TEX14: variants seen among roughly 807,000 people sequenced by gnomAD.
TEX14 encodes the protein inactive serine/threonine-protein kinase TEX14.
Under a neutral mutation model 178.6 loss-of-function variants are expected in TEX14, and 168 were observed. The observed-to-expected ratio is 0.94, with a 90% CI of 0.83 to 1.07. TEX14 has a LOEUF of 1.07. TEX14 is among the 50% of genes least tolerant of loss of function. The probability of loss-of-function intolerance (pLI) is 0.00; values close to 1 mark genes in which losing one functional copy is unlikely to be tolerated. For missense variants in TEX14, 1,730 were observed against 1,753.6 expected, an observed-to-expected ratio of 0.99 and a Z score of 0.24; for synonymous variants, 626 against 634.1, an observed-to-expected ratio of 0.99 and a Z score of 0.19.
At chr17:58,620,063 T>C (rs2045962947) in intron 5 of TEX14, among the ~76,000 whole-genome samples, 1 of 152,146 alleles carries the variant, frequency 6.6e-6, no homozygotes, top group African/African-American at 2.4e-5. Context: ...CCCTGAGCTC[T>C]TGGAATTCAC....
At chr17:58,658,357 C>T (rs2047012789) in intron 1 of TEX14, among the ~76,000 whole-genome samples, 1 of 150,536 alleles carries the variant, frequency 6.6e-6, no homozygotes, top group South Asian at 2.1e-4. Context: ...CATGCACCAC[C>T]TGTACCAGTG....
At chr17:58,602,065 G>A in intron 12 of TEX14, 109 bp from the exon 13 acceptor site, 1 of 1,181,962 alleles carries the variant, frequency 8.5e-7, no homozygotes, top group African/African-American at 1.5e-5. Context: ...TTCCTGTTGG[G>A]TAGACTGACT....
chr17:58,620,017 C>T (rs1312822937), intron 5 of TEX14, among the ~76,000 whole-genome samples: 1 of 152,100 alleles, frequency 6.6e-6, no homozygotes, highest in East Asian at 1.9e-4. Context: ...CACCAAGCAG[C>T]TAAGGGTTAG....
chr17:58,610,393 A>C (rs1392530770), intron 10 of TEX14, among the ~76,000 whole-genome samples: 1 of 152,046 alleles, frequency 6.6e-6, no homozygotes, highest in Non-Finnish European at 1.5e-5. Context: ...TAACATACCC[A>C]TTTCAGACTG....
chr17:58,619,927 A>T (rs1273881687), intron 5 of TEX14, among the ~76,000 whole-genome samples: 2 of 152,110 alleles, frequency 1.3e-5, no homozygotes, highest in African/African-American at 4.8e-5. Context: ...AAGATTGTAA[A>T]AGCTCATCCA....
chr17:58,564,673 G>A (rs779235674), intron 28 of TEX14, among the ~76,000 whole-genome samples, 196 bp downstream of exon 28: 8 of 152,010 alleles, frequency 5.3e-5, no homozygotes, highest in Non-Finnish European at 7.3e-5. Flanking sequence ...TATATACATT[G>A]TATCACAATT....
At chr17:58,666,666 T>G (rs1340815421) in intron 1 of TEX14, 1 of 152,114 alleles carries the variant, frequency 6.6e-6, no homozygotes, top group Non-Finnish European at 1.5e-5. Flanking sequence ...ACCACCTCCA[T>G]AATCACAGTA....
intron 5 of TEX14, among the ~76,000 whole-genome samples, chr17:58,619,600 G>A (rs895785644): frequency 6.6e-6 from 1 of 152,052 alleles, no homozygotes; most frequent in Admixed American, 6.6e-5. Flanking sequence ...CTGAGGTCAG[G>A]AATTCCAGAC....
intron 15 of TEX14, among the ~76,000 whole-genome samples, chr17:58,591,176 A>G (rs763247569): frequency 1.3e-5 from 2 of 152,202 alleles, no homozygotes; most frequent in Non-Finnish European, 2.9e-5. Flanking sequence ...CTCTGATGCC[A>G]GCTAGGTAGT....
chr17:58,669,180 C>T (rs9915590), intron 1 of TEX14, among the ~76,000 whole-genome samples: 14 of 151,918 alleles, frequency 9.2e-5, no homozygotes, highest in African/African-American at 3.4e-4. Flanking sequence ...GGTGAAACCC[C>T]ATCTCTACTA....
intron 20 of TEX14, among the ~76,000 whole-genome samples, chr17:58,578,411 G>A (rs1205219054): frequency 6.6e-6 from 1 of 152,150 alleles, no homozygotes; most frequent in Non-Finnish European, 1.5e-5. Flanking sequence ...TGAAGGTTAT[G>A]CAGAAAAAGT....
chr17:58,641,102 G>A (rs2046563843), intron 2 of TEX14, among the ~76,000 whole-genome samples: 1 of 152,020 alleles, frequency 6.6e-6, no homozygotes, highest in African/African-American at 2.4e-5. Flanking sequence ...GCCAAGACTT[G>A]AATGATTAAA....
chr17:58,562,607 C>T (rs552958508), intron 28 of TEX14, among the ~76,000 whole-genome samples: 5 of 152,064 alleles, frequency 3.3e-5, no homozygotes, highest in African/African-American at 1.2e-4. Flanking sequence ...CAGGTTCAAG[C>T]GATTCTCCTG....
At chr17:58,640,774 A>C (rs1260285153) in intron 2 of TEX14, among the ~76,000 whole-genome samples, 1 of 152,024 alleles carries the variant, frequency 6.6e-6, no homozygotes, top group Non-Finnish European at 1.5e-5. Context: ...CAGGCTGTAC[A>C]AGTGGTGCAA....
At chr17:58,631,915 T>G (rs1313959171) in intron 2 of TEX14, 1 of 152,248 alleles carries the variant, frequency 6.6e-6, no homozygotes, top group East Asian at 1.9e-4. Flanking sequence ...GTGAGCACAT[T>G]TTCCTCTCGA....
chr17:58,672,657 C>A (rs1453120900), intron 1 of TEX14, among the ~76,000 whole-genome samples: 7 of 152,126 alleles, frequency 4.6e-5, no homozygotes, highest in African/African-American at 1.4e-4. Flanking sequence ...GTTGGCCAGG[C>A]TGGCCTCGAA....
intron 1 of TEX14, among the ~76,000 whole-genome samples, chr17:58,674,727 A>G (rs2047363987): frequency 6.6e-6 from 1 of 151,878 alleles, no homozygotes; most frequent in Non-Finnish European, 1.5e-5. Context: ...CTGACCTCCA[A>G]TTAGGGAATG....
intron 5 of TEX14, among the ~76,000 whole-genome samples, chr17:58,617,821 A>G (rs1431512788): frequency 6.6e-6 from 1 of 152,208 alleles, no homozygotes; most frequent in Admixed American, 6.5e-5. Context: ...AACCTTGTGT[A>G]GCCCCTCACA....
intron 1 of TEX14, among the ~76,000 whole-genome samples, chr17:58,654,871 T>C (rs974317473): frequency 1.3e-5 from 2 of 151,846 alleles, no homozygotes; most frequent in Admixed American, 1.3e-4. Flanking sequence ...AAGCTGGACC[T>C]CATTCTGTCC....
Sources: gnomAD v4.1 joint callset for allele counts (sites outside exome capture counted in the v4.1 genomes callset) on GRCh38, gnomAD v4.1.1 for gene constraint, MANE v1.5 for transcripts, NCBI Gene and HGNC (gene_info 2026-07-23, HGNC 2026-07-21) for gene names.